Variants in MREG observed in about 807,000 individuals in gnomAD.
MREG encodes the protein dilute suppressor protein homolog.
Under a neutral mutation model 28.5 loss-of-function variants are expected in MREG, and 31 were observed. That is an observed-to-expected ratio of 1.09 (90% CI 0.82 to 1.47). The LOEUF (loss-of-function observed/expected upper bound fraction) is 1.47, where lower values mean the gene tolerates loss of function less well. Ranked by LOEUF, MREG falls within the 40% of genes most tolerant of loss-of-function variation. The probability of loss-of-function intolerance (pLI) is 0.00; values close to 1 mark genes in which losing one functional copy is unlikely to be tolerated. For missense variants in MREG, 256 were observed against 257.4 expected, an observed-to-expected ratio of 0.99 and a Z score of 0.04; for synonymous variants, 106 against 95.2, an observed-to-expected ratio of 1.11 and a Z score of -0.66.
At chr2:216,007,751 T>TTC (rs3078503) in intron 1 of MREG, among the ~76,000 whole-genome samples, 1 of 150,492 alleles carries the variant, frequency 6.6e-6, no homozygotes, top group Non-Finnish European at 1.5e-5. Context: ...GCTTTTTTTT[T>TTC]GCATTTTTGT....
At chr2:216,026,348 A>G (rs187776283) in intron 1 of MREG, among the ~76,000 whole-genome samples, 1 of 150,074 alleles carries the variant, frequency 6.7e-6, no homozygotes, top group Non-Finnish European at 1.5e-5. Context: ...GGTTACTTCC[A>G]TTGTGTTTAT....
At chr2:216,032,871 A>T (rs928176750) in exon 1 of MREG, 1 of 150,672 alleles carries the variant, frequency 6.6e-6, no homozygotes, top group Non-Finnish European at 1.5e-5. Context: ...AAATCCTTGT[A>T]AACAAGGAGT....
chr2:216,003,333 G>GC (rs1434725419), intron 1 of MREG, among the ~76,000 whole-genome samples: 9 of 152,196 alleles, frequency 5.9e-5, no homozygotes, highest in African/African-American at 2.2e-4. Flanking sequence ...CTGAGGCAGA[G>GC]CCCCATATGA....
intron 1 of MREG, among the ~76,000 whole-genome samples, chr2:216,029,455 G>A (rs959173514): frequency 4.3e-5 from 5 of 116,780 alleles, no homozygotes; most frequent in Non-Finnish European, 9.2e-5. Flanking sequence ...TCCGCCTGGC[G>A]AGAGAGTGAG....
intron 2 of MREG, among the ~76,000 whole-genome samples, chr2:215,978,774 A>G (rs1306179801): frequency 1.3e-5 from 2 of 152,228 alleles, no homozygotes; most frequent in Non-Finnish European, 2.9e-5. Context: ...CAGAACCATC[A>G]GCAAAAACCA....
intron 1 of MREG, among the ~76,000 whole-genome samples, chr2:216,010,712 A>T (rs1169617763): frequency 3.9e-5 from 6 of 152,102 alleles, no homozygotes; most frequent in Non-Finnish European, 8.8e-5. Context: ...TGGCAACCAC[A>T]GAAAACCAGT....
At position 216,003,002 on chromosome 2, in the gene MREG, T is replaced by A. The variant is rs190770059; in HGVS notation, c.96-6537A>T. ...TCTCTCTTTCTGTCTCTCCTTCCTTTGTTCTTTCTGATACTGGTTTTCTCT... is the reference window on the plus strand; with the variant it reads ...TCTCTCTTTCTGTCTCTCCTTCCTTAGTTCTTTCTGATACTGGTTTTCTCT... On this transcript the variant is annotated intron_variant, in intron 1 of 4. Coordinates refer to ENST00000263268, the MANE Select transcript of MREG (RefSeq NM_018000.3). 3.3e-5 allele frequency among the ~76,000 whole-genome samples: 5 copies of A among 152,174 alleles called. No homozygotes were observed. The East Asian group carries it at 9.6e-4, about 29-fold the overall frequency.
intron 2 of MREG, among the ~76,000 whole-genome samples, chr2:215,979,880 G>T (rs561534308): frequency 6.6e-6 from 1 of 150,632 alleles, no homozygotes; most frequent in Non-Finnish European, 1.5e-5. Context: ...ATATGTCATC[G>T]ACTGTGATTT....
At chr2:215,994,379 G>A (rs28565914) in intron 2 of MREG, among the ~76,000 whole-genome samples, 149,316 of 151,284 alleles carry the variant, frequency 0.99, 73,704 homozygotes, top group East Asian at 1. Context: ...ACAGGGACAC[G>A]GGGAGGGGAA....
chr2:215,948,514 T>C (rs528041325), intron 2 of MREG, among the ~76,000 whole-genome samples: 1 of 152,334 alleles, frequency 6.6e-6, no homozygotes, highest in African/African-American at 2.4e-5. Flanking sequence ...ATAAGAAATA[T>C]GCAACCCTAG....
At chr2:215,979,979 A>AAC (rs1553551038) in intron 2 of MREG, among the ~76,000 whole-genome samples, 34 of 3,850 alleles carry the variant, frequency 8.8e-3, no homozygotes, top group African/African-American at 0.012. Context: ...ACAAACAAAC[A>AAC]AAAAAAAAAA....
chr2:215,963,623 GGCAGT>G (rs1692860482), intron 2 of MREG, among the ~76,000 whole-genome samples: 1 of 151,814 alleles, frequency 6.6e-6, no homozygotes, highest in African/African-American at 2.4e-5. Flanking sequence ...ATTTTTATTG[GGCAGT>G]GCTGATCCAC....
downstream of MREG, chr2:215,939,551 G>A (rs1473829060): frequency 2.0e-5 from 3 of 152,234 alleles, no homozygotes; most frequent in East Asian, 5.8e-4. Context: ...AATAAGATCC[G>A]ACAACATATC....
chr2:216,020,137 C>T (rs16855273), intron 1 of MREG, among the ~76,000 whole-genome samples: 48,710 of 151,966 alleles, frequency 0.32, 8,102 homozygotes, highest in Admixed American at 0.41. Context: ...AACCCTGTTG[C>T]GTGTCCAACA....
chr2:215,984,518 C>CAAAAAAAAAAAAAAAAA (rs375220091), intron 2 of MREG, among the ~76,000 whole-genome samples: 6 of 68,062 alleles, frequency 8.8e-5, no homozygotes, highest in African/African-American at 2.8e-4. Flanking sequence ...ACCTTGTCAC[C>CAAAAAAAAAAAAAAAAA]AAAAAAAAAA....
chr2:215,984,209 T>C (rs1170655828), intron 2 of MREG, among the ~76,000 whole-genome samples: 1 of 152,134 alleles, frequency 6.6e-6, no homozygotes, highest in Non-Finnish European at 1.5e-5. Context: ...ATGACACTTA[T>C]TCACTATCAA....
upstream of MREG, among the ~76,000 whole-genome samples, chr2:216,014,884 A>T (rs1694408186): frequency 6.6e-6 from 1 of 152,170 alleles, no homozygotes; most frequent in South Asian, 2.1e-4. Context: ...AGTCTGATTT[A>T]TTCAACAAAT....
At chr2:215,952,039 T>C (rs947288976) in intron 2 of MREG, among the ~76,000 whole-genome samples, 2 of 152,236 alleles carry the variant, frequency 1.3e-5, no homozygotes, top group Non-Finnish European at 2.9e-5. Context: ...TGCGCTTGGC[T>C]TATTGCACTC....
intron 1 of MREG, among the ~76,000 whole-genome samples, chr2:215,997,387 T>G (rs755159530): frequency 4.7e-4 from 71 of 152,182 alleles, no homozygotes; most frequent in South Asian, 1.4e-3. Context: ...GAGCATCACA[T>G]CTGGGGCATG....
Sources: allele counts gnomAD v4.1 joint callset (sites outside exome capture counted in the v4.1 genomes callset), GRCh38; gene constraint gnomAD v4.1.1; transcripts MANE v1.5; gene names NCBI Gene and HGNC (gene_info 2026-07-23, HGNC 2026-07-21).